FAM184B: variants seen among roughly 807,000 people sequenced by gnomAD.
FAM184B encodes family with sequence similarity 184 member B.
FAM184B carries 111 observed loss-of-function variants against 135.9 expected under a neutral mutation model. The observed-to-expected ratio is 0.82, with a 90% CI of 0.70 to 0.96. FAM184B has a LOEUF of 0.96. Ranked by LOEUF, FAM184B falls within the 40% of genes least tolerant of loss-of-function variation. The pLI is 0.00. For missense variants in FAM184B, 1,375 were observed against 1,323.9 expected (o/e 1.04, Z -0.60); for synonymous variants, 552 against 524.8 (o/e 1.05, Z -0.71).
intron 1 of FAM184B, among the ~76,000 whole-genome samples, chr4:17,755,867 A>G (rs1235501451): frequency 1.3e-5 from 2 of 152,178 alleles, no homozygotes; most frequent in Admixed American, 1.3e-4. Context: ...ATGAAAACAC[A>G]TGGACACATG....
intron 8 of FAM184B, among the ~76,000 whole-genome samples, chr4:17,660,589 A>G (rs1490580566): frequency 1.3e-5 from 2 of 152,112 alleles, no homozygotes; most frequent in South Asian, 4.1e-4. Context: ...GATTATAAAT[A>G]GGCCTCCACA....
intron 7 of FAM184B, among the ~76,000 whole-genome samples, chr4:17,678,847 C>G (rs1577257493): frequency 6.6e-6 from 1 of 152,192 alleles, no homozygotes; most frequent in East Asian, 1.9e-4. Context: ...GCCAATGGAA[C>G]ACAATAGAAA....
chr4:17,662,309 C>G (rs1034920398), intron 8 of FAM184B, among the ~76,000 whole-genome samples: 1 of 151,784 alleles, frequency 6.6e-6, no homozygotes, highest in South Asian at 2.1e-4. Flanking sequence ...TAGAAATAAA[C>G]GTGCCCAAGG....
chr4:17,642,105 CCG>C lies in FAM184B; in HGVS notation c.2468_2469del (p.Ala823GlyfsTer51). The C allele has an allele frequency of 2.0e-6, 3 of 1,532,846 alleles. No individual in the cohort carries two copies. Among genetic ancestry groups the C allele is most frequent in the Non-Finnish European group, 2.6e-6 (3 of 1,145,334 alleles). The allele number at this position is 1,532,846 out of a possible 1,614,324, so 95.0% of individuals were successfully genotyped here. A position where few individuals can be genotyped will look rare whatever the true frequency, so the allele number is the denominator to read the frequency against. ...GCCTCCTGCTGATGCTGCTCCACCT[CCG>C]CGCGCAGCCGCCGCACCGCGTCCTG... Reference protein sequence around the residue: ...QLQDAVRRLRAEVEQHQQEAQ... With the variant: ...QLQDAVRRLRXEVEQHQQEAQ... On this transcript the variant is annotated frameshift_variant, in exon 13 of 18. Coordinates refer to ENST00000265018, the MANE Select transcript of FAM184B (RefSeq NM_015688.2). LOFTEE classifies it high-confidence loss of function.
At chr4:17,741,562 C>T (rs531265876) in intron 1 of FAM184B, among the ~76,000 whole-genome samples, 14 of 152,184 alleles carry the variant, frequency 9.2e-5, no homozygotes, top group African/African-American at 2.6e-4. Context: ...GGCGTGGTGG[C>T]GCATGCCTGT....
Position 17,687,534 on chromosome 4 carries a change from T to C in FAM184B, c.1596+890A>G, listed in dbSNP as rs148987846. 5.9e-3 allele frequency among the ~76,000 whole-genome samples: 902 copies of C among 152,238 alleles called. 7 individuals are homozygous for C. Among genetic ancestry groups the C allele is most frequent in the African/African-American group, 0.021 (871 of 41,532 alleles). On this transcript the variant is annotated intron_variant, in intron 7 of 17. Transcript: ENST00000265018. ...TAAGCCCCTGTACCTATGAATGTGA[T>C]CTTATTTGGAAATAGGATCTCTGCA...
intron 1 of FAM184B, among the ~76,000 whole-genome samples, chr4:17,713,252 A>T (rs762898847): frequency 4.6e-5 from 7 of 152,358 alleles, no homozygotes; most frequent in Middle Eastern, 3.4e-3. Flanking sequence ...TATGAATGTG[A>T]CATCTTGTGA....
intron 16 of FAM184B, among the ~76,000 whole-genome samples, chr4:17,634,333 T>G (rs778568481): frequency 3.3e-5 from 5 of 152,206 alleles, no homozygotes; most frequent in Non-Finnish European, 7.3e-5. Flanking sequence ...AAATACTATT[T>G]TTGTTTTTAA....
intron 5 of FAM184B, among the ~76,000 whole-genome samples, chr4:17,701,980 C>T (rs1170800188): frequency 6.6e-6 from 1 of 152,168 alleles, no homozygotes; most frequent in African/African-American, 2.4e-5. Flanking sequence ...AGTAACCACA[C>T]ATGTCTAGTG....
At chr4:17,655,493 G>C (rs914463379) in intron 10 of FAM184B, among the ~76,000 whole-genome samples, 2 of 152,166 alleles carry the variant, frequency 1.3e-5, no homozygotes, top group African/African-American at 2.4e-5. Flanking sequence ...CTATGGGAGG[G>C]TTACCCTGCT....
intron 2 of FAM184B, among the ~76,000 whole-genome samples, chr4:17,708,663 C>CCATATA (rs1553837948): frequency 5.9e-5 from 1 of 16,978 alleles, no homozygotes; most frequent in African/African-American, 2.3e-4. Context: ...GGAAACAAAA[C>CCATATA]TATATATATA....
intron 6 of FAM184B, 149 bp from the exon 7 acceptor site, chr4:17,688,680 CTTTTTTTT>C (rs34337003): frequency 4.0e-4 from 47 of 117,950 alleles, no homozygotes; most frequent in Middle Eastern, 3.4e-3. Context: ...CTAGAAATGC[CTTTTTTTT>C]TTTTTTTTTT....
intron 13 of FAM184B, among the ~76,000 whole-genome samples, chr4:17,641,689 A>G (rs1360876058): frequency 1.4e-3 from 86 of 60,920 alleles, no homozygotes; most frequent in Admixed American, 3.2e-3. Context: ...TAGTGGAGAC[A>G]GGGTTTCATC....
chr4:17,673,986 AG>A (rs1716255699), intron 7 of FAM184B, among the ~76,000 whole-genome samples: 1 of 152,158 alleles, frequency 6.6e-6, no homozygotes, highest in African/African-American at 2.4e-5. Context: ...ACAAAAGTGG[AG>A]GGAGTTCTTC....
At chr4:17,640,837 A>G (rs1371144210) in intron 13 of FAM184B, among the ~76,000 whole-genome samples, 1 of 152,210 alleles carries the variant, frequency 6.6e-6, no homozygotes, top group Non-Finnish European at 1.5e-5. Context: ...CACTTCTACA[A>G]TTAACCAAGC....
rs759653155 is a variant in FAM184B, at chr4:17,770,356, G to A, written c.141+10803C>T. Among the ~76,000 whole-genome samples the A allele has an allele frequency of 2.3e-4, 35 of 152,232 alleles. 1 individual carries two copies. Among genetic ancestry groups the A allele is most frequent in the Admixed American group, 3.9e-4 (6 of 15,280 alleles). On this transcript the variant is annotated intron_variant, in intron 1 of 17. Coordinates refer to ENST00000265018, the MANE Select transcript of FAM184B (RefSeq NM_015688.2). ...AGAGGTGAAGGTGGCTCCGACTATG[G>A]TGGAGGTGGAAATGGAGAATGGAGG...
intron 10 of FAM184B, among the ~76,000 whole-genome samples, chr4:17,656,319 T>C (rs1715777470): frequency 6.6e-6 from 1 of 152,240 alleles, no homozygotes; most frequent in Non-Finnish European, 1.5e-5. Flanking sequence ...TTTAGAAGGA[T>C]TGAAGAAATA....
intron 1 of FAM184B, among the ~76,000 whole-genome samples, chr4:17,748,535 A>G (rs1718227086): frequency 8.9e-6 from 1 of 112,684 alleles, no homozygotes; most frequent in Non-Finnish European, 1.7e-5. Flanking sequence ...TTTTTTTTAG[A>G]CAATGTCTCG....
intron 5 of FAM184B, among the ~76,000 whole-genome samples, chr4:17,698,177 G>A (rs189694857): frequency 6.6e-4 from 101 of 152,212 alleles, no homozygotes; most frequent in Admixed American, 1.2e-3. Flanking sequence ...GCCCAAACCT[G>A]GAAGACTGTT....
Sources: gnomAD v4.1 joint callset for allele counts (sites outside exome capture counted in the v4.1 genomes callset) on GRCh38, gnomAD v4.1.1 for gene constraint, MANE v1.5 for transcripts, NCBI Gene and HGNC (gene_info 2026-07-23, HGNC 2026-07-21) for gene names.